The following ACVR1C variants were observed in gnomAD, a reference collection of about 807,000 sequenced individuals.
ACVR1C encodes the protein activin A receptor type 1C.
Under a neutral mutation model 57.9 loss-of-function variants are expected in ACVR1C, and 23 were observed. That is an observed-to-expected ratio of 0.40 (90% confidence interval 0.29 to 0.56). The LOEUF (loss-of-function observed/expected upper bound fraction) is 0.56. Ranked by LOEUF, ACVR1C falls within the 20% of genes least tolerant of loss-of-function variation. The probability of loss-of-function intolerance (pLI) is 0.50; values close to 1 mark genes in which losing one functional copy is unlikely to be tolerated. For missense variants in ACVR1C, 480 were observed against 607.9 expected (o/e 0.79, Z 2.21); for synonymous variants, 214 against 215.3 (o/e 0.99, Z 0.05).
chr2:157,610,959 G>A (rs957928159), intron 1 of ACVR1C, among the ~76,000 whole-genome samples: 4 of 152,100 alleles, frequency 2.6e-5, no homozygotes, highest in Admixed American at 2.6e-4. Flanking sequence ...ATTTTTCAAA[G>A]TTCTGTTGTA....
intron 3 of ACVR1C, 133 bp from the exon 4 acceptor site, chr2:157,550,525 AG>A (rs1687889396): frequency 3.8e-6 from 3 of 786,016 alleles, no homozygotes; most frequent in Non-Finnish European, 6.0e-6. Flanking sequence ...TGAAGGAATA[AG>A]TACCATTATA....
In ACVR1C at chr2:157,589,973, A is replaced by G. The variant is rs1573940709; in HGVS notation, c.74-2556T>C. Among the ~76,000 whole-genome samples, 3 of 151,882 alleles carry G rather than the reference A, an allele frequency of 2.0e-5. No homozygotes were observed. In the East Asian group the frequency reaches 5.8e-4, roughly 29 times the overall value. ...ATAAATGGTTCTTGGAAAAGTGGAT[A>G]GCTACACATAGAAAAATGAAACTGG... is the stretch of plus-strand genomic sequence containing the variant. On this transcript the variant is annotated intron_variant, in intron 1 of 8. Coordinates refer to ENST00000243349, the MANE Select transcript of ACVR1C (RefSeq NM_145259.3).
chr2:157,539,342 T>TA (rs1307870708), intron 7 of ACVR1C, among the ~76,000 whole-genome samples: 2 of 152,152 alleles, frequency 1.3e-5, no homozygotes, highest in African/African-American at 4.8e-5. Flanking sequence ...GATTAATATT[T>TA]AAAGAGTCTC....
intron 3 of ACVR1C, among the ~76,000 whole-genome samples, chr2:157,554,012 A>T (rs1412282344): frequency 6.6e-6 from 1 of 151,444 alleles, no homozygotes; most frequent in African/African-American, 2.4e-5. Flanking sequence ...GTGAAACCCC[A>T]TCTCTGCTAA....
chr2:157,608,885 G>T (rs6753195), intron 1 of ACVR1C, among the ~76,000 whole-genome samples: 2 of 151,710 alleles, frequency 1.3e-5, no homozygotes, highest in African/African-American at 2.4e-5. Flanking sequence ...CTAGTTAACA[G>T]TTTATGACTT....
At chr2:157,614,062 G>A (rs1484648618) in intron 1 of ACVR1C, among the ~76,000 whole-genome samples, 1 of 152,080 alleles carries the variant, frequency 6.6e-6, no homozygotes, top group African/African-American at 2.4e-5. Context: ...GACTATTCAG[G>A]TTATTTATTA....
chr2:157,608,627 T>C (rs1682461394), intron 1 of ACVR1C, among the ~76,000 whole-genome samples: 1 of 151,880 alleles, frequency 6.6e-6, no homozygotes, highest in South Asian at 2.1e-4. Context: ...TTTTACTTGT[T>C]AGGAGACTTT....
rs146787668 is a variant in ACVR1C, at chr2:157,548,771, A to G, written c.775+1391T>C. Reference sequence around the variant, plus strand: ...TGCTCTGACTTGCTCCATGAAACTCAAAAAATAACAAACACTACTTGGCAC... The same window carrying G: ...TGCTCTGACTTGCTCCATGAAACTCGAAAAATAACAAACACTACTTGGCAC... On this transcript the variant is annotated intron_variant, in intron 4 of 8. Transcript: ENST00000243349. Among the ~76,000 whole-genome samples, 599 of 152,342 alleles carry G rather than the reference A, an allele frequency of 3.9e-3. 2 individuals are homozygous for G. The highest frequency in any genetic ancestry group is 0.013 in the African/African-American group (561 of 41,574).
intron 2 of ACVR1C, among the ~76,000 whole-genome samples, chr2:157,583,867 T>C (rs2105253326): frequency 6.6e-6 from 1 of 152,264 alleles, no homozygotes; most frequent in South Asian, 2.1e-4. Context: ...AAGTTGAAAC[T>C]GAATGCAAAG....
At chr2:157,628,543 G>C in intron 1 of ACVR1C, 29 bp downstream of exon 1, 4 of 1,600,662 alleles carry the variant, frequency 2.5e-6, no homozygotes, top group Non-Finnish European at 1.7e-6. Flanking sequence ...CCACCCTCGC[G>C]GGCGTCGGGA....
intron 1 of ACVR1C, among the ~76,000 whole-genome samples, chr2:157,622,282 A>G (rs1682797084): frequency 6.6e-6 from 1 of 152,190 alleles, no homozygotes; most frequent in African/African-American, 2.4e-5. Flanking sequence ...TTTATATGGA[A>G]CCACAAGAGA....
At chr2:157,604,097 G>A (rs1682340008) in intron 1 of ACVR1C, among the ~76,000 whole-genome samples, 1 of 152,004 alleles carries the variant, frequency 6.6e-6, no homozygotes, top group African/African-American at 2.4e-5. Context: ...CTGATTTCCT[G>A]ATCTGTATGA....
At chr2:157,581,010 C>T (rs1041703371) in intron 2 of ACVR1C, among the ~76,000 whole-genome samples, 3 of 152,128 alleles carry the variant, frequency 2.0e-5, no homozygotes, top group African/African-American at 7.2e-5. Context: ...GTATCCCTTA[C>T]AGGCAGGCTT....
At chr2:157,600,048 A>G (rs1393665564) in intron 1 of ACVR1C, among the ~76,000 whole-genome samples, 2 of 152,216 alleles carry the variant, frequency 1.3e-5, no homozygotes, top group Non-Finnish European at 2.9e-5. Context: ...GAAGGCATCA[A>G]TGGCCACCAT....
At chr2:157,559,132 G>A (rs1358121328) in intron 2 of ACVR1C, among the ~76,000 whole-genome samples, 1 of 152,132 alleles carries the variant, frequency 6.6e-6, no homozygotes, top group Non-Finnish European at 1.5e-5. Flanking sequence ...TAATAAAAAA[G>A]CAAAAGGTCA....
At chr2:157,565,458 C>T (rs2105234261) in intron 2 of ACVR1C, among the ~76,000 whole-genome samples, 1 of 152,158 alleles carries the variant, frequency 6.6e-6, no homozygotes, top group East Asian at 1.9e-4. Flanking sequence ...CGCTTAGATC[C>T]CTCCAACATG....
intron 1 of ACVR1C, among the ~76,000 whole-genome samples, chr2:157,594,499 T>C (rs141292069): frequency 4.1e-4 from 62 of 152,230 alleles, no homozygotes; most frequent in Admixed American, 3.9e-3. Flanking sequence ...GAGAGAATTC[T>C]ACTGGTTTAT....
At chr2:157,607,409 C>A (rs1477548355) in intron 1 of ACVR1C, among the ~76,000 whole-genome samples, 1 of 151,466 alleles carries the variant, frequency 6.6e-6, no homozygotes, top group Admixed American at 6.6e-5. Flanking sequence ...GATAATGTCT[C>A]CAGCTTTGCT....
chr2:157,583,559 A>C (rs1314375124), intron 2 of ACVR1C, among the ~76,000 whole-genome samples: 1 of 152,226 alleles, frequency 6.6e-6, no homozygotes, highest in East Asian at 1.9e-4. Flanking sequence ...AGGACTTATA[A>C]TAGGCAAATC....
Sources: gnomAD v4.1 joint callset for allele counts (sites outside exome capture counted in the v4.1 genomes callset) on GRCh38, gnomAD v4.1.1 for gene constraint, MANE v1.5 for transcripts, NCBI Gene and HGNC (gene_info 2026-07-23, HGNC 2026-07-21) for gene names.